The following DLEC1 variants were observed in gnomAD, a reference collection of about 807,000 sequenced individuals.
DLEC1 encodes the protein deleted in lung and esophageal cancer protein 1.
In DLEC1, 146 loss-of-function variants were observed where a neutral mutation model predicts 198.1. That is an observed-to-expected ratio of 0.74 (90% CI 0.64 to 0.85). The LOEUF (loss-of-function observed/expected upper bound fraction) is 0.85, where lower values mean the gene tolerates loss of function less well. DLEC1 is among the 40% of genes least tolerant of loss of function. DLEC1 has a pLI of 0.00. For synonymous variants in DLEC1, 897 were observed against 866.8 expected, an observed-to-expected ratio of 1.03 and a Z score of -0.61; for missense variants, 2,233 against 2,220.0, an observed-to-expected ratio of 1.01 and a Z score of -0.12.
At chr3:38,082,046 G>C (rs1280409117) in intron 6 of DLEC1, among the ~76,000 whole-genome samples, 2 of 130,954 alleles carry the variant, frequency 1.5e-5, no homozygotes, top group African/African-American at 3.0e-5. Flanking sequence ...AGACGGGGTG[G>C]TTGCCAGGCA....
At position 38,123,838 on chromosome 3, in the gene DLEC1, CAAAA is replaced by C. The variant is rs932454024; in HGVS notation, c.*1428_*1431del. 4 of 151,794 alleles carry C rather than the reference CAAAA, an allele frequency of 2.6e-5. No homozygotes were observed. Among genetic ancestry groups the C allele is most frequent in the African/African-American group, 9.7e-5 (4 of 41,380 alleles). 9.4% of individuals were successfully genotyped at this position (151,794 alleles called of 1,614,324 possible). ...CAACATGGTGAAACCCTGTCTCCAC[CAAAA>C]ATACAAAAATTAGCTGGGTGTGGTG... On this transcript the variant is annotated 3_prime_UTR_variant, in exon 37 of 37. Transcript: ENST00000308059.
At chr3:38,070,285 G>A (rs1575416309) in intron 6 of DLEC1, among the ~76,000 whole-genome samples, 3 of 152,276 alleles carry the variant, frequency 2.0e-5, no homozygotes, top group East Asian at 3.9e-4. Context: ...TCAGAGATAC[G>A]TGTTGAGGAA....
rs976841304 is a variant in DLEC1 at position 38,062,510 on chromosome 3, A to G, written c.874-71A>G. On this transcript the variant is annotated intron_variant, in intron 4 of 36. Transcript: ENST00000308059. The stretch of plus-strand genomic sequence containing the variant: ...TGTGTTGGCCATCTATGGGTCATGC[A>G]GTTGGTCAAGATGTCAACAAGCACA... The G allele has an allele frequency of 3.1e-6, 5 of 1,587,444 alleles. No homozygotes were observed. In the Admixed American group the frequency reaches 8.5e-5, roughly 27 times the overall value.
chr3:38,094,219 T>G (rs1698892110), intron 12 of DLEC1, among the ~76,000 whole-genome samples: 1 of 152,110 alleles, frequency 6.6e-6, no homozygotes, highest in Admixed American at 6.5e-5. Context: ...GGTTTCATTC[T>G]CCTTGCCATT....
In DLEC1 at chr3:38,112,646, T is replaced by C. The variant is rs1699948920; in HGVS notation, c.3666+285T>C. On this transcript the variant is annotated intron_variant, in intron 25 of 36. Coordinates refer to ENST00000308059, the MANE Select transcript of DLEC1 (RefSeq NM_007335.4). This position sits in a 1 kb window ranked among gnomAD's most constrained non-coding sequence, Gnocchi z 4.8. ...ATATCGAGGAGGGAAGAGGAGACAGTAGGCTGCTGCCTGGGCCAGGACCCA... is the reference window on the plus strand; with the variant it reads ...ATATCGAGGAGGGAAGAGGAGACAGCAGGCTGCTGCCTGGGCCAGGACCCA... Among the ~76,000 whole-genome samples the C allele has an allele frequency of 6.6e-6, 1 of 152,196 alleles. No homozygotes were observed. Among genetic ancestry groups the C allele is most frequent in the Non-Finnish European group, 1.5e-5 (1 of 68,022 alleles).
rs932615486 is a variant in DLEC1, at chr3:38,123,404, C to T, written c.*992C>T. Reference sequence around the variant, plus strand: ...TGTGCATGTTCCCCTCCCCAGGGATCGATCATAATCCCAAAAGACACAATC... The same window carrying T: ...TGTGCATGTTCCCCTCCCCAGGGATTGATCATAATCCCAAAAGACACAATC... On this transcript the variant is annotated 3_prime_UTR_variant, in exon 37 of 37. Transcript: ENST00000308059. 14 of 363,300 alleles carry T rather than the reference C, an allele frequency of 3.9e-5. No individual in the cohort carries two copies. Among genetic ancestry groups the T allele is most frequent in the African/African-American group, 1.0e-4 (5 of 48,340 alleles). 22.5% of individuals were successfully genotyped at this position (363,300 alleles called of 1,614,324 possible). A position where few individuals can be genotyped will look rare whatever the true frequency, so the allele number is the denominator to read the frequency against.
At chr3:38,093,880 A>C in intron 12 of DLEC1, 113 bp downstream of exon 12, 3 of 1,360,870 alleles carry the variant, frequency 2.2e-6, no homozygotes, top group African/African-American at 1.5e-5. Context: ...CTGGGCACAG[A>C]ATGGATATCC....
Position 38,112,718 on chromosome 3 carries a change from C to T in DLEC1, c.3666+357C>T, listed in dbSNP as rs1035233458. Among the ~76,000 whole-genome samples, 1 of 152,172 alleles carries T rather than the reference C, an allele frequency of 6.6e-6. No homozygotes were observed. Among genetic ancestry groups the T allele is most frequent in the Non-Finnish European group, 1.5e-5 (1 of 68,024 alleles). On this transcript the variant is annotated intron_variant, in intron 25 of 36. Transcript: ENST00000308059. The surrounding 1 kb of genome is among the most constrained non-coding windows in gnomAD (Gnocchi z 4.8). ...GAGTGGAGGGACAGTAGCAGCCTCC[C>T]AGAGCCAGGTCCTTGCCCCGCCCTT...
Position 38,122,499 on chromosome 3 carries a change from C to T in DLEC1, c.*87C>T. On this transcript the variant is annotated 3_prime_UTR_variant, in exon 37 of 37. Transcript: ENST00000308059. ...GGAGCAGCTCTTCAGCACAAAGACACAGACTTGGGGACCTGGGGACCTCTG... is the reference window on the plus strand; with the variant it reads ...GGAGCAGCTCTTCAGCACAAAGACATAGACTTGGGGACCTGGGGACCTCTG... 6.2e-7 allele frequency: 1 copy of T among 1,612,960 alleles called. No individual in the cohort carries two copies. The highest frequency in any genetic ancestry group is 8.5e-7 in the Non-Finnish European group (1 of 1,179,758).
Position 38,093,591 on chromosome 3 carries a change from C to T in DLEC1, c.1757-14C>T. The stretch of plus-strand genomic sequence containing the variant: ...AGTGAGCCTTCACTGACTTCACTTA[C>T]TCTACTTTGGCAGGAATTGGGCAGC... On this transcript the variant is annotated splice_polypyrimidine_tract_variant and intron_variant, in intron 11 of 36. Transcript: ENST00000308059. 1 of 1,614,086 alleles carries T rather than the reference C, an allele frequency of 6.2e-7. No homozygotes were observed. Among genetic ancestry groups the T allele is most frequent in the Non-Finnish European group, 8.5e-7 (1 of 1,179,974 alleles).
At chr3:38,120,731 C>T in intron 34 of DLEC1, 122 bp downstream of exon 34, 1 of 1,369,184 alleles carries the variant, frequency 7.3e-7, no homozygotes, top group East Asian at 2.5e-5. Context: ...TGCCCCTGTC[C>T]TGGGGCTCAG....
intron 23 of DLEC1, among the ~76,000 whole-genome samples, chr3:38,110,897 CACAT>C (rs1010094156): frequency 5.9e-5 from 9 of 152,054 alleles, no homozygotes; most frequent in Non-Finnish European, 1.3e-4. Flanking sequence ...CAAATATACA[CACAT>C]ACACATATGT....
chr3:38,067,027 ATTC>A (rs1697065472), intron 6 of DLEC1, among the ~76,000 whole-genome samples: 1 of 152,186 alleles, frequency 6.6e-6, no homozygotes. Context: ...TATGGAAGAT[ATTC>A]TTCTTCAGGG....
In DLEC1 at chr3:38,112,063, G is replaced by A; in HGVS notation, c.3515-147G>A. The A allele has an allele frequency of 1.5e-6, 2 of 1,295,414 alleles. No homozygotes were observed. The highest frequency in any genetic ancestry group is 2.1e-6 in the Non-Finnish European group (2 of 930,708). The allele number at this position is 1,295,414 out of a possible 1,614,324, so 80.2% of individuals were successfully genotyped here. On this transcript the variant is annotated intron_variant, in intron 24 of 36. Coordinates refer to ENST00000308059, the MANE Select transcript of DLEC1 (RefSeq NM_007335.4). This position sits in a 1 kb window ranked among gnomAD's most constrained non-coding sequence, Gnocchi z 4.8. Reference sequence around the variant, plus strand: ...TGAGTAGCTTGCCTCTGGATTCCAGGCTCCCAGGAGGAGGGCACATGTAGC... The same window carrying A: ...TGAGTAGCTTGCCTCTGGATTCCAGACTCCCAGGAGGAGGGCACATGTAGC...
chr3:38,101,052 C>A (rs1482942420), intron 19 of DLEC1, among the ~76,000 whole-genome samples: 1 of 152,108 alleles, frequency 6.6e-6, no homozygotes, highest in African/African-American at 2.4e-5. Context: ...TATAATAAAC[C>A]TCCACATACT....
At chr3:38,042,869 A>G (rs1272939880) in intron 1 of DLEC1, among the ~76,000 whole-genome samples, 1 of 152,088 alleles carries the variant, frequency 6.6e-6, no homozygotes, top group African/African-American at 2.4e-5. Context: ...TGCTGTTCTT[A>G]TACCTATATT....
chr3:38,064,601 C>T (rs1696898140), intron 6 of DLEC1, among the ~76,000 whole-genome samples: 1 of 150,228 alleles, frequency 6.7e-6, no homozygotes, highest in Non-Finnish European at 1.5e-5. Context: ...CAGAGGCTCC[C>T]CCACCACCTC....
intron 2 of DLEC1, among the ~76,000 whole-genome samples, chr3:38,050,699 T>A (rs1490857073): frequency 6.6e-6 from 1 of 152,224 alleles, no homozygotes; most frequent in Non-Finnish European, 1.5e-5. Flanking sequence ...AATTTCAGTA[T>A]AAGATTTGAG....
intron 11 of DLEC1, among the ~76,000 whole-genome samples, chr3:38,093,300 C>T (rs1217644096): frequency 6.6e-6 from 1 of 151,454 alleles, no homozygotes; most frequent in African/African-American, 2.4e-5. Context: ...TCCCTCTCTT[C>T]CTCCCTCCCT....
Sources: allele counts gnomAD v4.1 joint callset (sites outside exome capture counted in the v4.1 genomes callset), GRCh38; gene constraint gnomAD v4.1.1; non-coding constraint Gnocchi (gnomAD v3.1); transcripts MANE v1.5; gene names NCBI Gene and HGNC (gene_info 2026-07-23, HGNC 2026-07-21).